Variants in KCNH7 observed in about 807,000 individuals in gnomAD.
KCNH7 encodes potassium voltage-gated channel subfamily H member 7, also known as voltage-gated inwardly rectifying potassium channel KCNH7.
In KCNH7, 49 loss-of-function variants were observed where a neutral mutation model predicts 120.8. That is an observed-to-expected ratio of 0.41 (90% CI 0.32 to 0.51). The LOEUF (loss-of-function observed/expected upper bound fraction) is 0.51, where lower values mean the gene tolerates loss of function less well. Ranked by LOEUF, KCNH7 falls within the 20% of genes least tolerant of loss-of-function variation. The pLI is 0.38. For missense variants in KCNH7, 1,097 were observed against 1,446.6 expected (o/e 0.76, Z 3.92); for synonymous variants, 547 against 516.1 (o/e 1.06, Z -0.81).
intron 2 of KCNH7, among the ~76,000 whole-genome samples, chr2:162,723,047 T>C (rs1340639139): frequency 6.6e-6 from 1 of 151,860 alleles, no homozygotes; most frequent in Non-Finnish European, 1.5e-5. Context: ...TTGTTGAGCA[T>C]CTTTATGGAA....
intron 2 of KCNH7, among the ~76,000 whole-genome samples, chr2:162,619,319 T>C (rs1683256505): frequency 1.3e-5 from 2 of 152,174 alleles, no homozygotes; most frequent in South Asian, 2.1e-4. Flanking sequence ...ATTTTATTAA[T>C]TGGGTATATT....
intron 9 of KCNH7, among the ~76,000 whole-genome samples, chr2:162,420,924 TA>T (rs891810184): frequency 6.6e-6 from 1 of 151,990 alleles, no homozygotes; most frequent in Non-Finnish European, 1.5e-5. Context: ...GTTTTGGAGG[TA>T]AAAAAAATCC....
intron 3 of KCNH7, among the ~76,000 whole-genome samples, chr2:162,532,983 G>T (rs972700031): frequency 4.7e-4 from 72 of 151,764 alleles, no homozygotes; most frequent in African/African-American, 1.7e-3. Flanking sequence ...CTGCATGGTG[G>T]GAAGCAGAAG....
chr2:162,553,922 A>G (rs1692770979), intron 2 of KCNH7, among the ~76,000 whole-genome samples: 1 of 152,222 alleles, frequency 6.6e-6, no homozygotes, highest in South Asian at 2.1e-4. Context: ...ATATTGAGTT[A>G]TAAACAATAA....
At chr2:162,609,189 G>A (rs1042773523) in intron 2 of KCNH7, among the ~76,000 whole-genome samples, 18 of 152,068 alleles carry the variant, frequency 1.2e-4, no homozygotes, top group South Asian at 2.1e-4. Context: ...TATCCTCTAC[G>A]TTCCCCATGT....
chr2:162,517,683 T>C, intron 4 of KCNH7, 47 bp downstream of exon 4: 1 of 1,372,836 alleles, frequency 7.3e-7, no homozygotes, highest in African/African-American at 1.5e-5. Flanking sequence ...AATAATCATT[T>C]ATTACCCATT....
intron 2 of KCNH7, among the ~76,000 whole-genome samples, chr2:162,578,650 C>G (rs1693765150): frequency 6.6e-6 from 1 of 151,954 alleles, no homozygotes; most frequent in African/African-American, 2.4e-5. Context: ...AGTGTTTCGC[C>G]CTGGGCTAAC....
At chr2:162,651,087 G>T (rs1015687133) in intron 2 of KCNH7, among the ~76,000 whole-genome samples, 1 of 152,106 alleles carries the variant, frequency 6.6e-6, no homozygotes, top group Non-Finnish European at 1.5e-5. Context: ...CTGCCCAAAG[G>T]TATACTGACC....
intron 2 of KCNH7, among the ~76,000 whole-genome samples, chr2:162,669,957 A>G (rs1003810459): frequency 1.3e-4 from 20 of 151,768 alleles, no homozygotes; most frequent in African/African-American, 4.8e-4. Flanking sequence ...AACATTAGCC[A>G]GGTGTGGTGG....
rs149644668 is a variant in KCNH7, at chr2:162,541,831, G to A, written c.308-4751C>T. On this transcript the variant is annotated intron_variant, in intron 2 of 15. Transcript: ENST00000332142. ...TAACAAACCTGCACATTCTGCACAT[G>A]TACCCCTGAACTTAAAATAAAAATT... 2.8e-4 allele frequency among the ~76,000 whole-genome samples: 43 copies of A among 152,172 alleles called. No individual in the cohort carries two copies. The East Asian group carries it at 8.1e-3, about 29-fold the overall frequency.
chr2:162,542,193 C>T (rs2105838524), intron 2 of KCNH7, among the ~76,000 whole-genome samples: 1 of 150,122 alleles, frequency 6.7e-6, no homozygotes, highest in South Asian at 2.1e-4. Context: ...GGTTTTATAA[C>T]TTTATTTAAA....
chr2:162,394,343 A>G, intron 12 of KCNH7, 46 bp downstream of exon 12: 1 of 1,091,198 alleles, frequency 9.2e-7, no homozygotes, highest in Admixed American at 1.7e-5. Context: ...AAGAAGGCTA[A>G]TTACCACATG....
chr2:162,774,653 T>C (rs1458710352), intron 2 of KCNH7, among the ~76,000 whole-genome samples: 1 of 152,194 alleles, frequency 6.6e-6, no homozygotes, highest in Non-Finnish European at 1.5e-5. Flanking sequence ...TCTTTAACTA[T>C]AAATTCAGTG....
intron 2 of KCNH7, among the ~76,000 whole-genome samples, chr2:162,562,594 C>A (rs1197194521): frequency 1.3e-5 from 2 of 152,294 alleles, no homozygotes; most frequent in Middle Eastern, 3.4e-3. Context: ...GACGACTGAG[C>A]ATGGGAGGTG....
At chr2:162,391,414 C>G (rs1686742159) in intron 12 of KCNH7, among the ~76,000 whole-genome samples, 1 of 152,092 alleles carries the variant, frequency 6.6e-6, no homozygotes, top group South Asian at 2.1e-4. Flanking sequence ...CAATTGCCCA[C>G]AGCACCCTGG....
chr2:162,619,948 C>G (rs1683287015), intron 2 of KCNH7, among the ~76,000 whole-genome samples: 1 of 151,646 alleles, frequency 6.6e-6, no homozygotes, highest in Admixed American at 6.6e-5. Flanking sequence ...ATTTTACAAC[C>G]TGTTCTAAGG....
At chr2:162,640,870 G>C (rs1021044714) in intron 2 of KCNH7, among the ~76,000 whole-genome samples, 3 of 152,010 alleles carry the variant, frequency 2.0e-5, no homozygotes, top group African/African-American at 7.2e-5. Context: ...ATAGATAAAA[G>C]TCATGAAGAG....
intron 14 of KCNH7, among the ~76,000 whole-genome samples, chr2:162,374,503 T>C (rs978260437): frequency 6.6e-6 from 1 of 152,188 alleles, no homozygotes; most frequent in Non-Finnish European, 1.5e-5. Context: ...TTGGACCATA[T>C]GCCTCTTTAG....
chr2:162,442,444 T>C (rs1408634970), intron 7 of KCNH7, among the ~76,000 whole-genome samples: 2 of 152,194 alleles, frequency 1.3e-5, no homozygotes, highest in African/African-American at 4.8e-5. Flanking sequence ...TAGGGTTGAA[T>C]GTAAATAAAA....
Sources: allele counts gnomAD v4.1 joint callset (sites outside exome capture counted in the v4.1 genomes callset), GRCh38; gene constraint gnomAD v4.1.1; transcripts MANE v1.5; gene names NCBI Gene and HGNC (gene_info 2026-07-23, HGNC 2026-07-21).